The following COMMD1 variants were observed in gnomAD, a reference collection of about 807,000 sequenced individuals.
COMMD1 encodes copper metabolism domain containing 1.
A neutral mutation model predicts 17.2 loss-of-function variants in COMMD1; 10 were observed. The ratio of observed to expected loss-of-function variants is 0.58; its 90% confidence interval spans 0.36 to 0.99. COMMD1 has a LOEUF of 0.99. COMMD1 is among the 50% of genes least tolerant of loss of function. COMMD1 has a pLI of 0.01. For synonymous variants in COMMD1, 97 were observed against 91.6 expected (o/e 1.06, Z -0.34); for missense variants, 270 against 231.8 (o/e 1.17, Z -1.07).
chr2:62,117,221 G>C (rs1000708955), intron 2 of COMMD1, among the ~76,000 whole-genome samples: 2 of 152,096 alleles, frequency 1.3e-5, no homozygotes, highest in African/African-American at 4.8e-5. Flanking sequence ...ACTCAGCCGG[G>C]CTGCTGCCCC....
intron 2 of COMMD1, among the ~76,000 whole-genome samples, chr2:62,088,719 C>T (rs62149947): frequency 0.012 from 1,877 of 152,300 alleles, 14 homozygotes; most frequent in Non-Finnish European, 0.021. Flanking sequence ...ATGATGTCCA[C>T]GAAAAGAGCC....
intron 1 of COMMD1, among the ~76,000 whole-genome samples, chr2:61,987,561 A>G (rs562762422): frequency 1.2e-4 from 19 of 152,236 alleles, no homozygotes; most frequent in African/African-American, 3.9e-4. Flanking sequence ...GTGCTGGACT[A>G]CCTGGAGCTG....
intron 1 of COMMD1, among the ~76,000 whole-genome samples, chr2:61,999,866 C>G (rs1668875663): frequency 6.6e-6 from 1 of 151,944 alleles, no homozygotes; most frequent in Non-Finnish European, 1.5e-5. Context: ...TTTGATGTTT[C>G]CAAAGGGAGT....
intron 1 of COMMD1, among the ~76,000 whole-genome samples, chr2:61,894,242 T>A (rs960745967): frequency 6.6e-6 from 1 of 152,188 alleles, no homozygotes; most frequent in Non-Finnish European, 1.5e-5. Flanking sequence ...TAGCTGGGAC[T>A]ACAGTATCGT....
At chr2:62,039,723 A>G (rs1670135199) in intron 2 of COMMD1, among the ~76,000 whole-genome samples, 1 of 152,196 alleles carries the variant, frequency 6.6e-6, no homozygotes, top group South Asian at 2.1e-4. Context: ...AGTATTTTCT[A>G]TCTTTTGGAA....
Position 61,919,867 on chromosome 2 carries a change from C to T in COMMD1, c.180+14009C>T, listed in dbSNP as rs536812192. Among the ~76,000 whole-genome samples the T allele has an allele frequency of 1.2e-4, 18 of 152,194 alleles. No homozygotes were observed. In the East Asian group the frequency reaches 3.3e-3, roughly 28 times the overall value. ...ACAGACTGGGTGCAATGACGCATGC[C>T]TATAATCCCAGCACTTTGGGAGGCT... is the stretch of plus-strand genomic sequence containing the variant. On this transcript the variant is annotated intron_variant, in intron 1 of 2. Transcript: ENST00000311832.
Position 62,000,948 on chromosome 2 carries a change from C to A in COMMD1, c.428C>A (p.Ala143Asp). The change falls in exon 2 of 3, where the codon GCC becomes GAC. Residue 143 changes from alanine (A) to aspartate (D), a missense_variant. Physicochemically the swap from Ala to Asp is moderately radical, Grantham distance 126. Coordinates refer to ENST00000311832, the MANE Select transcript of COMMD1 (RefSeq NM_152516.4). ...RHSAQIHTPV[A>D]IIELELGKYG... ...TCAGCTCAAATACACACACCTGTTG[C>A]CATTATAGAGCTGGAATTAGGCAAA... The A allele has an allele frequency of 6.2e-7, 1 of 1,613,950 alleles. No homozygotes were observed. The highest frequency in any genetic ancestry group is 8.5e-7 in the Non-Finnish European group (1 of 1,180,022).
chr2:62,134,794 C>T (rs549990132), intron 2 of COMMD1, among the ~76,000 whole-genome samples: 2 of 152,074 alleles, frequency 1.3e-5, no homozygotes, highest in East Asian at 1.9e-4. Context: ...TGATATCTAC[C>T]ATCTACCTAA....
intron 2 of COMMD1, among the ~76,000 whole-genome samples, chr2:62,107,760 C>CT (rs1466076494): frequency 3.3e-5 from 5 of 152,134 alleles, no homozygotes; most frequent in African/African-American, 4.8e-5. Context: ...TTTTAGAACT[C>CT]TAAGTTTTAT....
At chr2:61,907,517 A>G (rs1033181556) in intron 1 of COMMD1, among the ~76,000 whole-genome samples, 6 of 152,126 alleles carry the variant, frequency 3.9e-5, no homozygotes, top group East Asian at 1.9e-4. Flanking sequence ...GATGAGGCCT[A>G]TATCTCTTCT....
chr2:61,940,484 G>A (rs1009214957), intron 1 of COMMD1, among the ~76,000 whole-genome samples: 1 of 152,060 alleles, frequency 6.6e-6, no homozygotes, highest in Non-Finnish European at 1.5e-5. Context: ...ACCTTTTCTG[G>A]TAAAAAAGGG....
chr2:62,082,074 G>C (rs1042435672), intron 2 of COMMD1, among the ~76,000 whole-genome samples: 4 of 152,074 alleles, frequency 2.6e-5, no homozygotes, highest in African/African-American at 9.7e-5. Context: ...AATTAACCTT[G>C]TATCCATTAG....
chr2:62,030,639 G>A (rs1306632967), intron 2 of COMMD1, among the ~76,000 whole-genome samples: 1 of 152,056 alleles, frequency 6.6e-6, no homozygotes, highest in Non-Finnish European at 1.5e-5. Context: ...ATATGTTGTT[G>A]TGGTATTTTC....
At chr2:61,888,679 G>T (rs1669324784), upstream of COMMD1, 2 of 740,780 alleles carry the variant, frequency 2.7e-6, no homozygotes, top group African/African-American at 1.8e-5. Flanking sequence ...GCCGCGCGGC[G>T]CTGGCGTGAC....
intron 2 of COMMD1, chr2:62,079,759 A>G (rs545501613): frequency 6.1e-4 from 93 of 152,302 alleles, no homozygotes; most frequent in African/African-American, 2.1e-3. Context: ...TCCTGGAGAC[A>G]TCACTTTAAA....
rs1017301897 is a variant in COMMD1, at chr2:61,892,704, AAAAAG to A, written n.119+3875_119+3879del. On this transcript the variant is annotated intron_variant and non_coding_transcript_variant, in intron 1 of 2. Coordinates refer to the COMMD1 transcript ENST00000472729. ...AGGGAAACTCTGTCTCAAAAAAAAA[AAAAAG>A]AAAAGAAAAGAAGAGAGGGCTGTAT... Among the ~76,000 whole-genome samples, 31 of 151,138 alleles carry A rather than the reference AAAAAG, an allele frequency of 2.1e-4. No individual in the cohort carries two copies. In the East Asian group the frequency reaches 2.9e-3, roughly 14 times the overall value.
intron 1 of COMMD1, among the ~76,000 whole-genome samples, chr2:61,950,563 A>G (rs1009703554): frequency 1.2e-4 from 19 of 152,240 alleles, no homozygotes; most frequent in Admixed American, 9.8e-4. Flanking sequence ...AACCCTGGCC[A>G]AGGAATGCTA....
At chr2:61,999,463 A>G (rs1668860781) in intron 1 of COMMD1, among the ~76,000 whole-genome samples, 1 of 152,232 alleles carries the variant, frequency 6.6e-6, no homozygotes, top group Admixed American at 6.5e-5. Flanking sequence ...CTTAACAATA[A>G]TTTACTTAGT....
At chr2:61,965,207 A>T (rs1298880764) in intron 1 of COMMD1, among the ~76,000 whole-genome samples, 6 of 152,208 alleles carry the variant, frequency 3.9e-5, no homozygotes, top group African/African-American at 1.4e-4. Flanking sequence ...GCTATAGATG[A>T]GTTATAATTA....
Sources: allele counts gnomAD v4.1 joint callset (sites outside exome capture counted in the v4.1 genomes callset), GRCh38; gene constraint gnomAD v4.1.1; transcripts MANE v1.5; gene names NCBI Gene and HGNC (gene_info 2026-07-23, HGNC 2026-07-21).